The following FAM220A variants were observed in gnomAD, a reference collection of about 807,000 sequenced individuals.
FAM220A encodes the protein family with sequence similarity 220 member A.
For missense variants in FAM220A, 392 were observed against 321.6 expected (o/e 1.22, Z -1.68); for synonymous variants, 141 against 130.7 (o/e 1.08, Z -0.54).
intron 1 of FAM220A, among the ~76,000 whole-genome samples, chr7:6,332,411 CTT>C (rs1781655472): frequency 1.3e-5 from 2 of 152,198 alleles, no homozygotes; most frequent in African/African-American, 4.8e-5. Flanking sequence ...TGTAAACTCA[CTT>C]TTGAGTGTTG....
At chr7:6,338,221 A>G (rs1335203334) in intron 1 of FAM220A, among the ~76,000 whole-genome samples, 2 of 152,156 alleles carry the variant, frequency 1.3e-5, no homozygotes, top group African/African-American at 4.8e-5. Flanking sequence ...AATAACTTCT[A>G]AATAATTTCT....
Position 6,330,585 on chromosome 7 carries a change from G to T in FAM220A, c.570C>A (p.Ser190=). The change falls in exon 2 of 2, where the codon TCC becomes TCA. Residue 190 remains serine, a synonymous_variant. Coordinates refer to ENST00000313324, the MANE Select transcript of FAM220A (RefSeq NM_001037163.2). ...GSELEPACLH[S]ILSATLHVYP... ...ACACGTGCAGCGTTGCAGACAGGAT[G>T]GAGTGCAGGCAAGCGGGTTCCAACT... 6.2e-7 allele frequency: 1 copy of T among 1,614,158 alleles called. No individual in the cohort carries two copies. The highest frequency in any genetic ancestry group is 1.1e-5 in the South Asian group (1 of 91,086).
chr7:6,333,324 G>T (rs1211022911), intron 1 of FAM220A, among the ~76,000 whole-genome samples: 1 of 152,134 alleles, frequency 6.6e-6, no homozygotes, highest in African/African-American at 2.4e-5. Flanking sequence ...AGAAGCTTCA[G>T]CAAGGACAGG....
chr7:6,330,087 G>A lies in FAM220A; in HGVS notation c.*288C>T. The stretch of plus-strand genomic sequence containing the variant: ...ATGGATGTTGAAGACAGAACTTCAT[G>A]GTAAATCCGTATGTTCTAATCTGGT... On this transcript the variant is annotated 3_prime_UTR_variant, in exon 2 of 2. Coordinates refer to ENST00000313324, the MANE Select transcript of FAM220A (RefSeq NM_001037163.2). The A allele has an allele frequency of 2.7e-6, 1 of 369,282 alleles. No homozygotes were observed. Among genetic ancestry groups the A allele is most frequent in the East Asian group, 6.3e-5 (1 of 15,910 alleles). 22.9% of individuals were successfully genotyped at this position (369,282 alleles called of 1,614,324 possible).
chr7:6,340,100 G>T (rs1311212792), intron 1 of FAM220A, among the ~76,000 whole-genome samples: 1 of 151,616 alleles, frequency 6.6e-6, no homozygotes, highest in Non-Finnish European at 1.5e-5. Flanking sequence ...GACCAGGCTG[G>T]TCTCAAACTC....
chr7:6,337,165 G>A (rs904872452), intron 1 of FAM220A, among the ~76,000 whole-genome samples: 7 of 151,384 alleles, frequency 4.6e-5, no homozygotes, highest in Non-Finnish European at 7.4e-5. Flanking sequence ...TCTGCTTCCC[G>A]CACTCAAGCG....
At chr7:6,346,601 A>T (rs543018670) in intron 1 of FAM220A, among the ~76,000 whole-genome samples, 2 of 152,228 alleles carry the variant, frequency 1.3e-5, no homozygotes, top group East Asian at 3.9e-4. Context: ...GGGTGGTCTC[A>T]AACTCCTGAG....
rs931614431 is a variant in FAM220A, at chr7:6,348,785, C to T, written c.-294G>A. The T allele has an allele frequency of 2.3e-5, 9 of 397,362 alleles. No individual in the cohort carries two copies. The highest frequency in any genetic ancestry group is 4.4e-5 in the Admixed American group (1 of 22,654). The allele number at this position is 397,362 out of a possible 1,614,324, so 24.6% of individuals were successfully genotyped here. A position where few individuals can be genotyped will look rare whatever the true frequency, so the allele number is the denominator to read the frequency against. ...TAGAGACCGGCGCTCCCACAGCCCC[C>T]CCGCCCGCCCTCTCCGCGCCGCGTC... On this transcript the variant is annotated 5_prime_UTR_variant, in exon 1 of 2. Coordinates refer to ENST00000313324, the MANE Select transcript of FAM220A (RefSeq NM_001037163.2).
chr7:6,340,126 C>G (rs1325679368), intron 1 of FAM220A, among the ~76,000 whole-genome samples: 1 of 152,084 alleles, frequency 6.6e-6, no homozygotes, highest in East Asian at 1.9e-4. Context: ...CTCAGGTGAT[C>G]CGCCCGCCTC....
intron 1 of FAM220A, among the ~76,000 whole-genome samples, chr7:6,332,994 A>G (rs1284576313): frequency 6.6e-6 from 1 of 152,068 alleles, no homozygotes; most frequent in Non-Finnish European, 1.5e-5. Flanking sequence ...CCCTGTCTCT[A>G]TCAAAAATAG....
rs893959376 is a variant in FAM220A at position 6,348,897 on chromosome 7, G to A, written c.-406C>T. ...GCGGGCGGGCGGGCCGCAGTGGAGC[G>A]GAGTCCGCACGTCACGCTCGGAGAA... On this transcript the variant is annotated 5_prime_UTR_variant, in exon 1 of 2. Coordinates refer to ENST00000313324, the MANE Select transcript of FAM220A (RefSeq NM_001037163.2). 2 of 387,592 alleles carry A rather than the reference G, an allele frequency of 5.2e-6. No homozygotes were observed. Among genetic ancestry groups the A allele is most frequent in the African/African-American group, 2.1e-5 (1 of 48,176 alleles). The allele number at this position is 387,592 out of a possible 1,614,324, so 24.0% of individuals were successfully genotyped here. A position where few individuals can be genotyped will look rare whatever the true frequency, so the allele number is the denominator to read the frequency against.
chr7:6,339,909 G>C (rs184341766), intron 1 of FAM220A, among the ~76,000 whole-genome samples: 4 of 151,678 alleles, frequency 2.6e-5, no homozygotes, highest in African/African-American at 9.7e-5. Flanking sequence ...CAGGGAGCAT[G>C]AGTCTCACTC....
At chr7:6,337,725 G>T (rs1449730617) in intron 1 of FAM220A, among the ~76,000 whole-genome samples, 2 of 151,616 alleles carry the variant, frequency 1.3e-5, no homozygotes, top group Non-Finnish European at 2.9e-5. Flanking sequence ...ATTGTCCCCT[G>T]AAGTTCTTCT....
intron 1 of FAM220A, among the ~76,000 whole-genome samples, chr7:6,343,651 A>C (rs1440163306): frequency 6.6e-6 from 1 of 151,940 alleles, no homozygotes; most frequent in Non-Finnish European, 1.5e-5. Flanking sequence ...CCAGGAGATT[A>C]AGGCTTGCTT....
chr7:6,337,835 G>C (rs1295738357), intron 1 of FAM220A, among the ~76,000 whole-genome samples: 1 of 149,538 alleles, frequency 6.7e-6, no homozygotes, highest in Non-Finnish European at 1.5e-5. Flanking sequence ...ACAGAGTCTT[G>C]CTCTGTCACC....
intron 1 of FAM220A, among the ~76,000 whole-genome samples, chr7:6,333,029 T>C (rs963624552): frequency 1.3e-5 from 2 of 151,214 alleles, no homozygotes; most frequent in Non-Finnish European, 3.0e-5. Flanking sequence ...TGCTGGCGGG[T>C]GCCTGTAATC....
At chr7:6,343,540 C>T (rs1450930479) in intron 1 of FAM220A, among the ~76,000 whole-genome samples, 1 of 150,304 alleles carries the variant, frequency 6.7e-6, no homozygotes, top group Non-Finnish European at 1.5e-5. Context: ...TTCACAGTAC[C>T]ATTTTTAATC....
At position 6,330,714 on chromosome 7, in the gene FAM220A, T is replaced by C. The variant is rs1479011617; in HGVS notation, c.441A>G (p.Lys147=). 4.3e-6 allele frequency: 7 copies of C among 1,614,000 alleles called. No homozygotes were observed. Among genetic ancestry groups the C allele is most frequent in the Non-Finnish European group, 5.9e-6 (7 of 1,180,032 alleles). ...GCAGTCGTGACACCCGAGGCTCTCC[T>C]TTGGGGCACTGTCCTCTGTGGCCGT... ...ATDGHRGQCP[K]GEPRVSRLPR... The change falls in exon 2 of 2, where the codon AAA becomes AAG. Residue 147 remains lysine (K), a synonymous_variant. Transcript: ENST00000313324.
At chr7:6,333,243 A>T (rs1781675100) in intron 1 of FAM220A, among the ~76,000 whole-genome samples, 1 of 152,022 alleles carries the variant, frequency 6.6e-6, no homozygotes, top group African/African-American at 2.4e-5. Context: ...AGGCTGAAGG[A>T]GAAAGCAGGG....
Sources: gnomAD v4.1 joint callset for allele counts (sites outside exome capture counted in the v4.1 genomes callset) on GRCh38, gnomAD v4.1.1 for gene constraint, MANE v1.5 for transcripts, NCBI Gene and HGNC (gene_info 2026-07-23, HGNC 2026-07-21) for gene names.